Variants in ZNF99 observed in about 807,000 individuals in gnomAD.
The protein encoded by ZNF99 is zinc finger protein ENSP00000375192.
A neutral mutation model predicts 12.8 loss-of-function variants in ZNF99; 8 were observed. That is an observed-to-expected ratio of 0.62 (90% confidence interval 0.37 to 1.13). The LOEUF (loss-of-function observed/expected upper bound fraction) is 1.13, where lower values mean the gene tolerates loss of function less well. Among genes scored for constraint, ZNF99 ranks in the 50% most tolerant of loss-of-function variants. ZNF99 has a pLI of 0.02. For missense variants in ZNF99, 1,007 were observed against 1,006.2 expected (o/e 1.00, Z -0.01); for synonymous variants, 318 against 319.0 (o/e 1.00, Z 0.03).
intron 3 of ZNF99, among the ~76,000 whole-genome samples, chr19:22,760,696 A>T (rs1973141107): frequency 6.6e-6 from 1 of 152,116 alleles, no homozygotes; most frequent in Non-Finnish European, 1.5e-5. Context: ...GTGAGCCGAG[A>T]TCATGCCACT....
chr19:22,752,702 C>G lies in ZNF99; in HGVS notation c.*4612G>C, dbSNP rs908867033. 6.6e-6 allele frequency: 1 copy of G among 151,988 alleles called. No individual in the cohort carries two copies. Among genetic ancestry groups the G allele is most frequent in the Admixed American group, 6.6e-5 (1 of 15,262 alleles). The allele number at this position is 151,988 out of a possible 1,614,324, so 9.4% of individuals were successfully genotyped here. Reference sequence around the variant, plus strand: ...TAATAACACTTCATTGAATGTACAACAGACTTAACATGTCAAAAAATGTTT... The same window carrying G: ...TAATAACACTTCATTGAATGTACAAGAGACTTAACATGTCAAAAAATGTTT... On this transcript the variant is annotated 3_prime_UTR_variant, in exon 4 of 4. Coordinates refer to ENST00000596209, the MANE Select transcript of ZNF99 (RefSeq NM_001080409.3).
At chr19:22,762,508 GA>G (rs146251414) in intron 3 of ZNF99, among the ~76,000 whole-genome samples, 15,690 of 151,910 alleles carry the variant, frequency 0.1, 1,848 homozygotes, top group African/African-American at 0.29. Flanking sequence ...AAATTACCAA[GA>G]AAAAAATGTC....
chr19:22,773,641 T>A (rs1227176915), intron 1 of ZNF99, among the ~76,000 whole-genome samples: 5 of 152,196 alleles, frequency 3.3e-5, no homozygotes, highest in Non-Finnish European at 5.9e-5. Context: ...ACAAAAATGG[T>A]TGAATAGGGT....
intron 1 of ZNF99, among the ~76,000 whole-genome samples, chr19:22,776,400 CAAAAT>C (rs1973326958): frequency 3.7e-5 from 2 of 54,442 alleles, no homozygotes; most frequent in Non-Finnish European, 7.2e-5. Flanking sequence ...AAACTTTTTC[CAAAAT>C]AAGATATATA....
intron 1 of ZNF99, among the ~76,000 whole-genome samples, chr19:22,782,759 C>T (rs541630433): frequency 1.4e-5 from 2 of 148,070 alleles, no homozygotes; most frequent in East Asian, 4.2e-4. Flanking sequence ...GCAACCTCTG[C>T]CTCCCGGGTT....
Position 22,754,551 on chromosome 19 carries a change from C to T in ZNF99, c.*2763G>A, listed in dbSNP as rs896328245. 1.2e-5 allele frequency: 5 copies of T among 426,656 alleles called. No homozygotes were observed. Among genetic ancestry groups the T allele is most frequent in the African/African-American group, 1.0e-4 (5 of 48,296 alleles). The allele number at this position is 426,656 out of a possible 1,614,324, so 26.4% of individuals were successfully genotyped here. The stretch of plus-strand genomic sequence containing the variant: ...GTATGAGTTGAAGACCAGTTAAAGA[C>T]TTTGTTACATTCTTCACATTTGTCG... On this transcript the variant is annotated 3_prime_UTR_variant, in exon 4 of 4. Coordinates refer to ENST00000596209, the MANE Select transcript of ZNF99 (RefSeq NM_001080409.3).
In ZNF99 at chr19:22,755,980, TTA is replaced by T. The variant is rs1299405986; in HGVS notation, c.*1332_*1333del. ...GGGTTTTCCTCCAGTATCAATTATT[TTA>T]TGTGTATTTAAGGTGTGAGGACTGG... On this transcript the variant is annotated 3_prime_UTR_variant, in exon 4 of 4. Coordinates refer to ENST00000596209, the MANE Select transcript of ZNF99 (RefSeq NM_001080409.3). 5.1e-6 allele frequency: 3 copies of T among 589,064 alleles called. No homozygotes were observed. The highest frequency in any genetic ancestry group is 8.7e-6 in the Non-Finnish European group (3 of 345,072). 36.5% of individuals were successfully genotyped at this position (589,064 alleles called of 1,614,324 possible). A position where few individuals can be genotyped will look rare whatever the true frequency, so the allele number is the denominator to read the frequency against.
intron 1 of ZNF99, among the ~76,000 whole-genome samples, 166 bp from the exon 2 acceptor site, chr19:22,769,490 G>C (rs760993948): frequency 2.6e-5 from 4 of 152,066 alleles, no homozygotes; most frequent in Non-Finnish European, 5.9e-5. Context: ...CGTCTCGGCT[G>C]GGCGCAGTGG....
Position 22,759,065 on chromosome 19 carries a change from T to G in ZNF99, c.844A>C (p.Lys282Gln). Residue 282 changes from lysine (K) to glutamine (Q), a missense_variant, in exon 4 of 4, where the codon AAG (lysine) becomes CAG (glutamine). Physicochemically the swap from Lys to Gln is moderately conservative, Grantham distance 53. Transcript: ENST00000596209. Reference protein sequence around the residue: ...LMKHKIIHTGKKPYKCEECGK... With the variant: ...LMKHKIIHTGQKPYKCEECGK... ...CATTCTTCACATTTATATGGTTTCTTCCCAGTATGAATTATCTTATGTTTC... is the reference window on the plus strand; with the variant it reads ...CATTCTTCACATTTATATGGTTTCTGCCCAGTATGAATTATCTTATGTTTC... 6.2e-7 allele frequency: 1 copy of G among 1,613,536 alleles called. No individual in the cohort carries two copies. Among genetic ancestry groups the G allele is most frequent in the Non-Finnish European group, 8.5e-7 (1 of 1,179,736 alleles).
At chr19:22,781,561 A>G (rs1297098904) in intron 1 of ZNF99, among the ~76,000 whole-genome samples, 1 of 151,714 alleles carries the variant, frequency 6.6e-6, no homozygotes, top group African/African-American at 2.4e-5. Flanking sequence ...TTTCCCCGCA[A>G]TACCAGCATC....
intron 3 of ZNF99, among the ~76,000 whole-genome samples, chr19:22,767,037 A>G (rs1973211772): frequency 6.6e-6 from 1 of 150,582 alleles, no homozygotes; most frequent in Non-Finnish European, 1.5e-5. Context: ...TCGGAGGCCA[A>G]GGTGGGCTGA....
intron 1 of ZNF99, among the ~76,000 whole-genome samples, chr19:22,771,774 A>G (rs113554906): frequency 2.3e-5 from 3 of 132,614 alleles, no homozygotes; most frequent in African/African-American, 5.8e-5. Context: ...CTGGAGTGCA[A>G]TGGCACCATC....
At chr19:22,780,220 G>A (rs36051846) in intron 1 of ZNF99, among the ~76,000 whole-genome samples, 15,703 of 152,152 alleles carry the variant, frequency 0.1, 1,851 homozygotes, top group African/African-American at 0.29. Context: ...CTTCATGTCA[G>A]AGTTATTCCC....
At chr19:22,769,128 A>G in intron 2 of ZNF99, 70 bp downstream of exon 2, 1 of 1,508,006 alleles carries the variant, frequency 6.6e-7, no homozygotes, top group South Asian at 1.2e-5. Flanking sequence ...TCACCAAAAC[A>G]CATCCTACAG....
rs751335334 is a variant in ZNF99 at position 22,753,183 on chromosome 19, T to C, written c.*4131A>G. 6.6e-6 allele frequency: 1 copy of C among 152,092 alleles called. No homozygotes were observed. The highest frequency in any genetic ancestry group is 1.5e-5 in the Non-Finnish European group (1 of 67,964). The allele number at this position is 152,092 out of a possible 1,614,324, so 9.4% of individuals were successfully genotyped here. On this transcript the variant is annotated 3_prime_UTR_variant, in exon 4 of 4. Coordinates refer to ENST00000596209, the MANE Select transcript of ZNF99 (RefSeq NM_001080409.3). ...AATATTGTGATGTTAATTTTTTTGA[T>C]ATTTGAAGTATACAAAAAGTATACT...
At chr19:22,782,814 G>A (rs914657510) in intron 1 of ZNF99, among the ~76,000 whole-genome samples, 6 of 151,288 alleles carry the variant, frequency 4.0e-5, no homozygotes, top group African/African-American at 1.5e-4. Context: ...GGGATTACAG[G>A]CATCTGCCAC....
intron 1 of ZNF99, among the ~76,000 whole-genome samples, chr19:22,778,246 G>A (rs1388719159): frequency 6.6e-6 from 1 of 151,952 alleles, no homozygotes. Context: ...TGAAATCACA[G>A]GGTAATGGGC....
Position 22,769,340 on chromosome 19 carries a change from A to C in ZNF99, c.4-16T>G. 6.3e-7 allele frequency: 1 copy of C among 1,596,814 alleles called. No individual in the cohort carries two copies. Among genetic ancestry groups the C allele is most frequent in the Non-Finnish European group, 8.5e-7 (1 of 1,172,296 alleles). On this transcript the variant is annotated splice_polypyrimidine_tract_variant and intron_variant, in intron 1 of 3. Coordinates refer to ENST00000596209, the MANE Select transcript of ZNF99 (RefSeq NM_001080409.3). ...TCAACGATCCCTGAAAAACACAACAAAGATACATATAGATTTCCCAATTGG... is the reference window on the plus strand; with the variant it reads ...TCAACGATCCCTGAAAAACACAACACAGATACATATAGATTTCCCAATTGG...
chr19:22,772,749 A>G (rs1020999951), intron 1 of ZNF99, among the ~76,000 whole-genome samples: 3 of 151,984 alleles, frequency 2.0e-5, no homozygotes, highest in Non-Finnish European at 4.4e-5. Flanking sequence ...TTTGACAACT[A>G]AAAGGACTTG....
Sources: allele counts gnomAD v4.1 joint callset (sites outside exome capture counted in the v4.1 genomes callset), GRCh38; gene constraint gnomAD v4.1.1; transcripts MANE v1.5; gene names NCBI Gene and HGNC (gene_info 2026-07-23, HGNC 2026-07-21).